Variants in VGLL1 observed in about 807,000 individuals in gnomAD.
VGLL1 encodes the protein transcription cofactor vestigial-like protein 1.
VGLL1 carries 4 observed loss-of-function variants against 12.0 expected under a neutral mutation model. The ratio of observed to expected loss-of-function variants is 0.33; its 90% confidence interval spans 0.16 to 0.76. The LOEUF is 0.76. VGLL1 is among the 30% of genes least tolerant of loss of function. The pLI, the probability that VGLL1 is intolerant of heterozygous loss-of-function variation, is 0.60. For synonymous variants in VGLL1, 87 were observed against 81.2 expected, an observed-to-expected ratio of 1.07 and a Z score of -0.39; for missense variants, 204 against 208.7, an observed-to-expected ratio of 0.98 and a Z score of 0.14.
At position 136,556,589 on chromosome X, in the gene VGLL1, C is replaced by A; in HGVS notation, c.*50C>A. The A allele has an allele frequency of 9.3e-7, 1 of 1,077,767 alleles. No homozygotes were observed. Among genetic ancestry groups the A allele is most frequent in the Non-Finnish European group, 1.3e-6 (1 of 778,122 alleles). 88.8% of individuals were successfully genotyped at this position (1,077,767 alleles called of 1,213,427 possible). A position where few individuals can be genotyped will look rare whatever the true frequency, so the allele number is the denominator to read the frequency against. ...CTTGGTCTAAGACACGGCAGCAAGA[C>A]ATCCCTGCATATTGTTCCAGATAAA... On this transcript the variant is annotated 3_prime_UTR_variant, in exon 5 of 5. Coordinates refer to ENST00000370634, the MANE Select transcript of VGLL1 (RefSeq NM_016267.4).
intron 2 of VGLL1, among the ~76,000 whole-genome samples, chrX:136,547,536 C>T (rs765891971): frequency 1.8e-5 from 2 of 112,196 alleles, no homozygotes; most frequent in African/African-American, 6.5e-5. Flanking sequence ...CAGCTCACTT[C>T]CCTTCTTGGC....
At chrX:136,534,818 C>T (rs1381189478) in intron 1 of VGLL1, among the ~76,000 whole-genome samples, 1 of 112,139 alleles carries the variant, frequency 8.9e-6, no homozygotes, top group Admixed American at 9.5e-5. Context: ...CTTAGCATGA[C>T]TGTCAACCAG....
At chrX:136,539,812 T>C (rs2075850886) in intron 2 of VGLL1, among the ~76,000 whole-genome samples, 1 of 111,790 alleles carries the variant, frequency 8.9e-6, no homozygotes, top group African/African-American at 3.3e-5. Context: ...ACATGCCTAA[T>C]AGGAAACTCA....
intron 2 of VGLL1, among the ~76,000 whole-genome samples, chrX:136,540,751 C>T (rs187433697): frequency 2.7e-5 from 3 of 111,435 alleles, no homozygotes; most frequent in Non-Finnish European, 5.7e-5. Context: ...ACGGCTTGAA[C>T]GAATGAAATT....
chrX:136,550,650 T>C, intron 3 of VGLL1, 118 bp from the exon 4 acceptor site: 1 of 477,424 alleles, frequency 2.1e-6, no homozygotes, highest in Admixed American at 3.9e-5. Context: ...TGAGAGAATA[T>C]GCTAGATATT....
Position 136,556,607 on chromosome X carries a change from C to G in VGLL1, c.*68C>G. The G allele has an allele frequency of 9.5e-7, 1 of 1,048,301 alleles. No individual in the cohort carries two copies. The highest frequency in any genetic ancestry group is 1.3e-6 in the Non-Finnish European group (1 of 756,215). The allele number at this position is 1,048,301 out of a possible 1,213,427, so 86.4% of individuals were successfully genotyped here. On this transcript the variant is annotated 3_prime_UTR_variant, in exon 5 of 5. Transcript: ENST00000370634. ...AGCAAGACATCCCTGCATATTGTTC[C>G]AGATAAAAATGAAAGCTGCTCACAC...
chrX:136,548,822 T>C lies in VGLL1; in HGVS notation c.448T>C (p.Phe150Leu). 8.3e-7 allele frequency: 1 copy of C among 1,211,944 alleles called. No homozygotes were observed. The highest frequency in any genetic ancestry group is 1.8e-5 in the South Asian group (1 of 56,983). Residue 150 changes from phenylalanine to leucine, a missense_variant, in exon 3 of 5, where the codon TTC becomes CTC. Physicochemically the swap from Phe to Leu is conservative, Grantham distance 22. Coordinates refer to ENST00000370634, the MANE Select transcript of VGLL1 (RefSeq NM_016267.4). The stretch of plus-strand genomic sequence containing the variant: ...CTTAGAGCCTGGCTACTCTCATCCC[T>C]TCCCCGCTCGGCACCTGGTTCCAGA... ...SSLEPGYSHP[F>L]PARHLVPEPQ...
At chrX:136,532,639 TTC>T (rs1262497972) in intron 1 of VGLL1, among the ~76,000 whole-genome samples, 7 of 97,756 alleles carry the variant, frequency 7.2e-5, no homozygotes, top group Non-Finnish European at 8.2e-5. Flanking sequence ...CTTTCTTTCT[TTC>T]TTTCTTTCTT....
chrX:136,539,119 C>T (rs766071436), intron 2 of VGLL1, among the ~76,000 whole-genome samples: 128 of 111,752 alleles, frequency 1.1e-3, no homozygotes, highest in Non-Finnish European at 1.8e-3. Flanking sequence ...ATACTGACTT[C>T]GGCTATTTGA....
rs188425570 is a variant in VGLL1 at position 136,549,554 on chromosome X, C to T, written c.634+546C>T. 3.5e-4 allele frequency among the ~76,000 whole-genome samples: 39 copies of T among 110,611 alleles called. No homozygotes were observed. The Admixed American group carries it at 3.8e-3, about 11-fold the overall frequency. On this transcript the variant is annotated intron_variant, in intron 3 of 4. Transcript: ENST00000370634. ...CCTAACAGTGCCTGACTGTCCTTGGCTTGCTCCTGCACTCTGGGATCCTCC... is the reference window on the plus strand; with the variant it reads ...CCTAACAGTGCCTGACTGTCCTTGGTTTGCTCCTGCACTCTGGGATCCTCC...
rs758690626 is a variant in VGLL1, at chrX:136,549,017, A to G, written c.634+9A>G. The stretch of plus-strand genomic sequence containing the variant: ...TCCCGGCTCAGTTCACTGTAAGGAA[A>G]TGCCTACAGATACTTGGAGGGGTGC... On this transcript the variant is annotated intron_variant, in intron 3 of 4. Coordinates refer to ENST00000370634, the MANE Select transcript of VGLL1 (RefSeq NM_016267.4). 6 of 1,192,772 alleles carry G rather than the reference A, an allele frequency of 5.0e-6. No homozygotes were observed. In the South Asian group the frequency reaches 7.4e-5, roughly 15 times the overall value.
rs2075830714 is a variant in VGLL1, at chrX:136,533,169, G to A, written c.-26+873G>A. Among the ~76,000 whole-genome samples the A allele has an allele frequency of 2.7e-5, 3 of 111,676 alleles. No homozygotes were observed. The South Asian group carries it at 1.2e-3, about 43-fold the overall frequency. ...ACAGTTTCTCTCCACTTTGGTCCAA[G>A]TGCAGCCCAGGGAGTTGCTTGTGAG... On this transcript the variant is annotated intron_variant, in intron 1 of 4. Transcript: ENST00000370634.
At chrX:136,546,182 G>A (rs1187795762) in intron 2 of VGLL1, among the ~76,000 whole-genome samples, 2 of 111,871 alleles carry the variant, frequency 1.8e-5, no homozygotes, top group African/African-American at 6.5e-5. Context: ...ACTAATAGGG[G>A]GCACTTGGAT....
chrX:136,556,367 G>C (rs2075901062), intron 4 of VGLL1, 84 bp from the exon 5 acceptor site: 1 of 729,569 alleles, frequency 1.4e-6, no homozygotes, highest in African/African-American at 2.1e-5. Context: ...CATCCCACAG[G>C]TGTTCATCTG....
chrX:136,532,621 CTTTCTTTCTTTCT>C (rs2075826994), intron 1 of VGLL1, among the ~76,000 whole-genome samples: 1 of 92,490 alleles, frequency 1.1e-5, no homozygotes, highest in African/African-American at 4.0e-5. Context: ...TTCTTTCTTT[CTTTCTTTCTTTCT>C]TTCTTTCTTT....
chrX:136,545,515 G>A (rs1445312061), intron 2 of VGLL1, among the ~76,000 whole-genome samples: 1 of 111,966 alleles, frequency 8.9e-6, no homozygotes, highest in African/African-American at 3.2e-5. Context: ...AATAGTGAAT[G>A]AATGAATGTA....
In VGLL1 at chrX:136,535,874, G is replaced by A. The variant is rs1254984588; in HGVS notation, c.-25-122G>A. 5.8e-6 allele frequency: 3 copies of A among 520,680 alleles called. No individual in the cohort carries two copies. In the East Asian group the frequency reaches 1.0e-4, roughly 18 times the overall value. 42.9% of individuals were successfully genotyped at this position (520,680 alleles called of 1,213,427 possible). A position where few individuals can be genotyped will look rare whatever the true frequency, so the allele number is the denominator to read the frequency against. On this transcript the variant is annotated intron_variant, in intron 1 of 4. Transcript: ENST00000370634. ...TTTAGGAGCTATGTGGCTCCCTGGG[G>A]CCCCAGTGAGCACGTGTACCTGGTG...
At chrX:136,547,874 AT>A (rs1246181830) in intron 2 of VGLL1, among the ~76,000 whole-genome samples, 1 of 112,079 alleles carries the variant, frequency 8.9e-6, no homozygotes, top group African/African-American at 3.2e-5. Flanking sequence ...AAAAATGGAA[AT>A]AACCAAGCAG....
intron 4 of VGLL1, 115 bp from the exon 5 acceptor site, chrX:136,556,336 G>A (rs1437096298): frequency 1.8e-5 from 9 of 509,417 alleles, no homozygotes; most frequent in East Asian, 3.4e-5. Context: ...TTCCTCTGAG[G>A]TTGAGGACTC....
Sources: allele counts gnomAD v4.1 joint callset (sites outside exome capture counted in the v4.1 genomes callset), GRCh38; gene constraint gnomAD v4.1.1; transcripts MANE v1.5; gene names NCBI Gene and HGNC (gene_info 2026-07-23, HGNC 2026-07-21).